The following GLMN variants were observed in gnomAD, a reference collection of about 807,000 sequenced individuals.
GLMN encodes the protein glomulin.
Under a neutral mutation model 87.8 loss-of-function variants are expected in GLMN, and 75 were observed. The ratio of observed to expected loss-of-function variants is 0.85; its 90% CI spans 0.71 to 1.04. The LOEUF is 1.04. Among genes scored for constraint, GLMN ranks in the 50% least tolerant of loss-of-function variants. The pLI, the probability that GLMN is intolerant of heterozygous loss-of-function variation, is 0.00. For synonymous variants in GLMN, 206 were observed against 221.6 expected, an observed-to-expected ratio of 0.93 and a Z score of 0.63; for missense variants, 588 against 658.8, an observed-to-expected ratio of 0.89 and a Z score of 1.18.
At chr1:92,248,337 A>C (rs1557499997) in intron 16 of GLMN, 1 of 199,124 alleles carries the variant, frequency 5.0e-6, no homozygotes, top group Non-Finnish European at 1.0e-5. Flanking sequence ...TTATGCCTTC[A>C]TCCCAAGTAT....
chr1:92,285,935 T>C (rs555358360), intron 7 of GLMN, among the ~76,000 whole-genome samples: 4 of 152,356 alleles, frequency 2.6e-5, no homozygotes, highest in African/African-American at 9.6e-5. Context: ...AATATGGAGC[T>C]ATTTTGAAAA....
chr1:92,320,295 A>G, the GLMN span, among the ~76,000 whole-genome samples: 1 of 151,996 alleles, frequency 6.6e-6, no homozygotes, highest in East Asian at 1.9e-4. Flanking sequence ...TTTTCTTAAG[A>G]TGGAGTCTCG....
At chr1:92,316,406 C>T in the GLMN span, among the ~76,000 whole-genome samples, 1 of 152,144 alleles carries the variant, frequency 6.6e-6, no homozygotes, top group Admixed American at 6.6e-5. Context: ...ACCATACCTG[C>T]TGCTTCTGTT....
intron 16 of GLMN, chr1:92,248,279 C>CA (rs1461132180): frequency 3.4e-6 from 1 of 291,820 alleles, no homozygotes; most frequent in African/African-American, 2.2e-5. Flanking sequence ...GATAAATTCA[C>CA]AGACGTCTCT....
chr1:92,260,223 T>G (rs1362485584), intron 16 of GLMN, among the ~76,000 whole-genome samples: 1 of 151,516 alleles, frequency 6.6e-6, no homozygotes, highest in Non-Finnish European at 1.5e-5. Flanking sequence ...TTGGACTGGG[T>G]TTTTGCTAAT....
At chr1:92,279,206 T>C (rs1647657273) in intron 7 of GLMN, among the ~76,000 whole-genome samples, 2 of 152,032 alleles carry the variant, frequency 1.3e-5, no homozygotes, top group African/African-American at 4.8e-5. Context: ...CTGTAATCCC[T>C]GCACTTTGGG....
chr1:92,293,483 T>C (rs539719414), intron 3 of GLMN, among the ~76,000 whole-genome samples: 2 of 149,354 alleles, frequency 1.3e-5, no homozygotes, highest in Non-Finnish European at 3.0e-5. Context: ...TTTTTTGTAT[T>C]TTTTTTTTTA....
chr1:92,327,917 T>C, the GLMN span, among the ~76,000 whole-genome samples: 3 of 152,222 alleles, frequency 2.0e-5, no homozygotes, highest in Non-Finnish European at 4.4e-5. Context: ...TTATGAACCT[T>C]AGTTTCGCTG....
chr1:92,318,553 A>AC, the GLMN span, among the ~76,000 whole-genome samples: 1 of 152,032 alleles, frequency 6.6e-6, no homozygotes, highest in African/African-American at 2.4e-5. Context: ...TCGACCACCA[A>AC]CCATAGTAGA....
At chr1:92,286,925 C>A (rs182935969) in intron 6 of GLMN, among the ~76,000 whole-genome samples, 2 of 152,338 alleles carry the variant, frequency 1.3e-5, no homozygotes, top group East Asian at 3.9e-4. Flanking sequence ...ACTTCCCAGC[C>A]TCCAGAACTG....
At chr1:92,280,695 A>G (rs920896405) in intron 7 of GLMN, among the ~76,000 whole-genome samples, 2 of 150,974 alleles carry the variant, frequency 1.3e-5, no homozygotes, top group African/African-American at 5.0e-5. Context: ...GTTCTAACCC[A>G]TCACAAGGAG....
intron 7 of GLMN, among the ~76,000 whole-genome samples, chr1:92,283,014 C>T (rs1311489387): frequency 2.0e-5 from 3 of 152,104 alleles, no homozygotes; most frequent in Non-Finnish European, 2.9e-5. Context: ...AAGTCGAGGA[C>T]CAGACAGATT....
At chr1:92,289,852 T>C (rs1191576671) in intron 5 of GLMN, among the ~76,000 whole-genome samples, 1 of 152,220 alleles carries the variant, frequency 6.6e-6, no homozygotes, top group Non-Finnish European at 1.5e-5. Flanking sequence ...CTATCAGATT[T>C]AGTACTGCAG....
At chr1:92,279,456 C>CAAA (rs35221344) in intron 7 of GLMN, among the ~76,000 whole-genome samples, 49 of 70,644 alleles carry the variant, frequency 6.9e-4, no homozygotes, top group South Asian at 1.7e-3. Flanking sequence ...GACTCTGTCA[C>CAAA]AAAAAAAAAA....
At position 92,289,004 on chromosome 1, in the gene GLMN, A is replaced by T. The variant is rs139873200; in HGVS notation, c.542T>A (p.Ile181Lys). The change falls in exon 6 of 19, where the codon ATA (isoleucine) becomes AAA (lysine). Residue 181 changes from isoleucine to lysine, a missense_variant. Physicochemically the swap from Ile to Lys is moderately radical, Grantham distance 102. Coordinates refer to ENST00000370360, the MANE Select transcript of GLMN (RefSeq NM_053274.3). ...YGLCQCCKAL[I>K]EFTKPFVEEV... ...TTCCACAAAAGGCTTAGTGAACTCT[A>T]TTAAGGCCTTGCAACACTGACAAAG... 1.2e-6 allele frequency: 2 copies of T among 1,612,514 alleles called. No homozygotes were observed. Among genetic ancestry groups the T allele is most frequent in the African/African-American group, 2.7e-5 (2 of 74,900 alleles).
chr1:92,296,013 CAT>C (rs1423360445), intron 3 of GLMN, among the ~76,000 whole-genome samples: 7 of 152,002 alleles, frequency 4.6e-5, no homozygotes, highest in Non-Finnish European at 5.9e-5. Context: ...TTATCATAAA[CAT>C]GTATCAAAAA....
At chr1:92,332,292 C>T in the GLMN span, among the ~76,000 whole-genome samples, 1 of 151,860 alleles carries the variant, frequency 6.6e-6, no homozygotes, top group Non-Finnish European at 1.5e-5. Context: ...CCGTATTTTT[C>T]TATTCTAGGG....
At chr1:92,260,118 TCA>T (rs1269792387) in intron 16 of GLMN, among the ~76,000 whole-genome samples, 4 of 152,150 alleles carry the variant, frequency 2.6e-5, no homozygotes, top group Non-Finnish European at 5.9e-5. Context: ...TATTTGCCTC[TCA>T]GTTATTGACA....
At chr1:92,285,127 G>A (rs1291392303) in intron 7 of GLMN, among the ~76,000 whole-genome samples, 1 of 152,120 alleles carries the variant, frequency 6.6e-6, no homozygotes, top group Non-Finnish European at 1.5e-5. Flanking sequence ...TATACCCAAA[G>A]GATTATAAAT....
Sources: allele counts gnomAD v4.1 joint callset (sites outside exome capture counted in the v4.1 genomes callset), GRCh38; gene constraint gnomAD v4.1.1; transcripts MANE v1.5; gene names NCBI Gene and HGNC (gene_info 2026-07-23, HGNC 2026-07-21).